The following HS3ST4 variants were observed in gnomAD, a reference collection of about 807,000 sequenced individuals.
The protein encoded by HS3ST4 is heparan sulfate-glucosamine 3-sulfotransferase 4, also known as heparan sulfate glucosamine 3-O-sulfotransferase 4.
Under a neutral mutation model 29.2 loss-of-function variants are expected in HS3ST4, and 17 were observed. The ratio of observed to expected loss-of-function variants is 0.58; its 90% CI spans 0.40 to 0.87. The LOEUF (loss-of-function observed/expected upper bound fraction) is 0.87, where lower values mean the gene tolerates loss of function less well. Among genes scored for constraint, HS3ST4 ranks in the 40% least tolerant of loss-of-function variants. The pLI is 0.00. For missense variants in HS3ST4, 627 were observed against 634.5 expected (o/e 0.99, Z 0.13); for synonymous variants, 314 against 285.7 (o/e 1.10, Z -1.00).
At position 25,799,467 on chromosome 16, in the gene HS3ST4, AT is replaced by A. The variant is rs539435399; in HGVS notation, c.734+106320del. Among the ~76,000 whole-genome samples, 11 of 152,290 alleles carry A rather than the reference AT, an allele frequency of 7.2e-5. No homozygotes were observed. In the South Asian group the frequency reaches 2.3e-3, roughly 32 times the overall value. ...GAAAACAAAATTTAAATTACCTTTA[AT>A]TTTATGACCCAGTTGTTAATGTTTC... On this transcript the variant is annotated intron_variant, in intron 1 of 1. Transcript: ENST00000331351.
At chr16:26,012,363 G>A (rs1184527999) in intron 1 of HS3ST4, among the ~76,000 whole-genome samples, 1 of 152,214 alleles carries the variant, frequency 6.6e-6, no homozygotes, top group East Asian at 1.9e-4. Context: ...TTCTGATAAA[G>A]AGGAAAGGTC....
chr16:26,067,409 A>G (rs1898555285), intron 1 of HS3ST4, among the ~76,000 whole-genome samples: 1 of 152,088 alleles, frequency 6.6e-6, no homozygotes, highest in Non-Finnish European at 1.5e-5. Context: ...GACATGACCA[A>G]ATTAGTGAAA....
At chr16:25,835,517 G>A (rs890102507) in intron 1 of HS3ST4, among the ~76,000 whole-genome samples, 13 of 151,842 alleles carry the variant, frequency 8.6e-5, no homozygotes, top group Non-Finnish European at 1.8e-4. Context: ...GTTGGCTAAC[G>A]TTGATTGAGC....
chr16:26,002,627 A>AAG (rs552876799), intron 1 of HS3ST4, among the ~76,000 whole-genome samples: 1 of 150,800 alleles, frequency 6.6e-6, no homozygotes, highest in Non-Finnish European at 1.5e-5. Context: ...GAAAGAGAGA[A>AAG]AGAGAGAGAA....
At chr16:26,083,685 G>A (rs1261072899) in intron 1 of HS3ST4, among the ~76,000 whole-genome samples, 1 of 152,108 alleles carries the variant, frequency 6.6e-6, no homozygotes, top group Non-Finnish European at 1.5e-5. Flanking sequence ...CTGGTCCTTG[G>A]TCTAGACAGA....
intron 1 of HS3ST4, among the ~76,000 whole-genome samples, chr16:26,075,168 G>A (rs978161790): frequency 5.3e-5 from 8 of 152,146 alleles, no homozygotes; most frequent in African/African-American, 1.4e-4. Context: ...ACTCCAGCCC[G>A]GCAACAGAGT....
At chr16:26,002,519 A>G (rs770759708) in intron 1 of HS3ST4, among the ~76,000 whole-genome samples, 2 of 152,122 alleles carry the variant, frequency 1.3e-5, no homozygotes, top group Non-Finnish European at 2.9e-5. Flanking sequence ...AAATCTGACT[A>G]GCTGACAAAT....
intron 1 of HS3ST4, among the ~76,000 whole-genome samples, chr16:25,805,041 TCTC>T (rs1297370359): frequency 2.0e-5 from 3 of 152,114 alleles, no homozygotes; most frequent in African/African-American, 4.8e-5. Flanking sequence ...TCCATCATCT[TCTC>T]CTCCAAGTGT....
intron 1 of HS3ST4, among the ~76,000 whole-genome samples, chr16:26,123,466 G>A (rs759100069): frequency 1.3e-5 from 2 of 152,170 alleles, no homozygotes; most frequent in Non-Finnish European, 2.9e-5. Context: ...ACCACTGTGA[G>A]TCCTAAGAGA....
At chr16:25,860,852 A>G (rs552349107) in intron 1 of HS3ST4, among the ~76,000 whole-genome samples, 8 of 152,294 alleles carry the variant, frequency 5.3e-5, no homozygotes, top group South Asian at 2.1e-4. Flanking sequence ...ATGAACTCCA[A>G]TGTAAACTAT....
intron 1 of HS3ST4, among the ~76,000 whole-genome samples, chr16:25,992,766 A>G (rs1969125336): frequency 6.6e-6 from 1 of 152,198 alleles, no homozygotes; most frequent in Non-Finnish European, 1.5e-5. Context: ...ATAGGGATAT[A>G]AGGCTTCAAG....
At chr16:25,790,690 A>C (rs1271704429) in intron 1 of HS3ST4, among the ~76,000 whole-genome samples, 3 of 152,098 alleles carry the variant, frequency 2.0e-5, no homozygotes, top group Non-Finnish European at 4.4e-5. Context: ...TGTACAATGT[A>C]CTCTCTCATG....
intron 1 of HS3ST4, among the ~76,000 whole-genome samples, chr16:25,935,157 A>G (rs1400579284): frequency 6.6e-6 from 1 of 152,178 alleles, no homozygotes; most frequent in Non-Finnish European, 1.5e-5. Context: ...CTCCCCAGCC[A>G]TGTGGAACTG....
intron 1 of HS3ST4, among the ~76,000 whole-genome samples, chr16:26,091,491 C>T (rs901880490): frequency 6.6e-6 from 1 of 152,124 alleles, no homozygotes; most frequent in Non-Finnish European, 1.5e-5. Context: ...GTTATTTGCT[C>T]CTGTGGCCCA....
chr16:26,111,597 G>A (rs1727160682), intron 1 of HS3ST4, among the ~76,000 whole-genome samples: 2 of 152,152 alleles, frequency 1.3e-5, no homozygotes, highest in Admixed American at 1.3e-4. Context: ...GGAGGCCACA[G>A]GGAACTTTTC....
At chr16:25,787,473 C>G (rs1377742848) in intron 1 of HS3ST4, among the ~76,000 whole-genome samples, 2 of 152,158 alleles carry the variant, frequency 1.3e-5, no homozygotes, top group Non-Finnish European at 2.9e-5. Flanking sequence ...TACAACTGGC[C>G]CATTACAACA....
intron 1 of HS3ST4, among the ~76,000 whole-genome samples, chr16:25,818,023 C>T (rs1967112439): frequency 6.6e-6 from 1 of 152,204 alleles, no homozygotes; most frequent in Non-Finnish European, 1.5e-5. Flanking sequence ...TGTCTCGCGG[C>T]AAGCCAGCCT....
chr16:26,049,461 T>A (rs1459540707), intron 1 of HS3ST4, among the ~76,000 whole-genome samples: 1 of 141,464 alleles, frequency 7.1e-6, no homozygotes, highest in Non-Finnish European at 1.5e-5. Flanking sequence ...CAGTGGGGAA[T>A]GCGTGCCTCT....
At chr16:25,816,180 C>T (rs1446263146) in intron 1 of HS3ST4, among the ~76,000 whole-genome samples, 2 of 152,158 alleles carry the variant, frequency 1.3e-5, no homozygotes, top group Non-Finnish European at 2.9e-5. Context: ...CGTGGCTTTG[C>T]AGGGCATGGT....
Sources: allele counts gnomAD v4.1 joint callset (sites outside exome capture counted in the v4.1 genomes callset), GRCh38; gene constraint gnomAD v4.1.1; transcripts MANE v1.5; gene names NCBI Gene and HGNC (gene_info 2026-07-23, HGNC 2026-07-21).